KDM4C: variants seen among roughly 807,000 people sequenced by gnomAD.
KDM4C encodes the protein lysine-specific demethylase 4C.
A neutral mutation model predicts 129.3 loss-of-function variants in KDM4C; 81 were observed. The observed-to-expected ratio is 0.63, with a 90% CI of 0.52 to 0.75. The LOEUF (loss-of-function observed/expected upper bound fraction) is 0.75, where lower values mean the gene tolerates loss of function less well. Among genes scored for constraint, KDM4C ranks in the 30% least tolerant of loss-of-function variants. The probability of loss-of-function intolerance (pLI) is 0.00; values close to 1 mark genes in which losing one functional copy is unlikely to be tolerated. For synonymous variants in KDM4C, 573 were observed against 456.1 expected (o/e 1.26, Z -3.26); for missense variants, 1,457 against 1,304.0 (o/e 1.12, Z -1.81).
rs1442162828 is a variant in KDM4C at position 6,746,268 on chromosome 9, T to G, written c.49+25271T>G. On this transcript the variant is annotated intron_variant, in intron 1 of 17. Transcript: ENST00000536108. ...CCATTATATATATATATATGTTTTT[T>G]TTTTTTTTTTTTTTTTTGGAGACCG... Among the ~76,000 whole-genome samples, 4 of 111,882 alleles carry G rather than the reference T, an allele frequency of 3.6e-5. No individual in the cohort carries two copies. In the South Asian group the frequency reaches 1.2e-3, roughly 34 times the overall value. 73.4% of individuals were successfully genotyped at this position (111,882 alleles called of 152,430 possible). A position where few individuals can be genotyped will look rare whatever the true frequency, so the allele number is the denominator to read the frequency against.
intron 17 of KDM4C, among the ~76,000 whole-genome samples, chr9:7,066,428 T>G (rs187709376): frequency 6.6e-6 from 1 of 152,344 alleles, no homozygotes; most frequent in Non-Finnish European, 1.5e-5. Flanking sequence ...AGGTATTTCT[T>G]TACAGAGATA....
chr9:6,874,462 G>A (rs1252061895), intron 5 of KDM4C, among the ~76,000 whole-genome samples: 1 of 152,092 alleles, frequency 6.6e-6, no homozygotes, highest in Non-Finnish European at 1.5e-5. Flanking sequence ...GACTTTTACT[G>A]ATTTTCAAAA....
intron 17 of KDM4C, among the ~76,000 whole-genome samples, chr9:7,066,694 G>GTAGTACT (rs1303074081): frequency 6.6e-6 from 1 of 152,172 alleles, no homozygotes; most frequent in Non-Finnish European, 1.5e-5. Context: ...ACTATGCATT[G>GTAGTACT]TAGTACTGCT....
intron 19 of KDM4C, among the ~76,000 whole-genome samples, chr9:7,161,532 T>C (rs1034553264): frequency 1.1e-4 from 17 of 152,110 alleles, no homozygotes; most frequent in Non-Finnish European, 2.1e-4. Context: ...TATTTGTAAA[T>C]AAAATCAAAG....
At chr9:6,767,855 A>G (rs1320251997) in intron 1 of KDM4C, among the ~76,000 whole-genome samples, 7 of 152,152 alleles carry the variant, frequency 4.6e-5, no homozygotes, top group Admixed American at 4.6e-4. Flanking sequence ...GGCAGCTTTC[A>G]TTAGCAGGAA....
chr9:7,056,480 G>C (rs1403757266), intron 17 of KDM4C, among the ~76,000 whole-genome samples: 1 of 152,144 alleles, frequency 6.6e-6, no homozygotes, highest in African/African-American at 2.4e-5. Context: ...AATCTTTTGA[G>C]TAAAATGGAA....
At chr9:6,887,105 T>C (rs778740655) in intron 6 of KDM4C, among the ~76,000 whole-genome samples, 29 of 152,350 alleles carry the variant, frequency 1.9e-4, no homozygotes, top group Middle Eastern at 3.4e-3. Context: ...TCTCCCTCCA[T>C]GATTCTCTGT....
chr9:7,070,728 C>CA (rs1264065390), intron 17 of KDM4C, among the ~76,000 whole-genome samples: 2 of 152,052 alleles, frequency 1.3e-5, no homozygotes, highest in South Asian at 4.1e-4. Flanking sequence ...AGCATACTTA[C>CA]AAAAAAACCT....
chr9:7,016,154 GTC>G (rs1177804463), intron 15 of KDM4C, among the ~76,000 whole-genome samples: 1 of 150,470 alleles, frequency 6.6e-6, no homozygotes, highest in African/African-American at 2.4e-5. Context: ...TTGAGACGGA[GTC>G]TCTCTCTGTC....
chr9:7,141,622 G>C (rs1841748096), intron 19 of KDM4C, among the ~76,000 whole-genome samples: 1 of 152,162 alleles, frequency 6.6e-6, no homozygotes, highest in African/African-American at 2.4e-5. Context: ...ACCTGTCATT[G>C]AGATAGGGAA....
chr9:7,165,007 T>C (rs770544436), intron 19 of KDM4C, among the ~76,000 whole-genome samples: 1 of 152,194 alleles, frequency 6.6e-6, no homozygotes, highest in Non-Finnish European at 1.5e-5. Flanking sequence ...AATGCTGCTG[T>C]TTTTTTCTGC....
chr9:7,143,491 G>A (rs540890733), intron 19 of KDM4C, among the ~76,000 whole-genome samples: 1 of 152,256 alleles, frequency 6.6e-6, no homozygotes, highest in East Asian at 1.9e-4. Flanking sequence ...TCTGAACCGG[G>A]CATTCCACAG....
At chr9:7,026,808 T>C (rs1392095776) in intron 15 of KDM4C, among the ~76,000 whole-genome samples, 2 of 152,014 alleles carry the variant, frequency 1.3e-5, no homozygotes, top group Non-Finnish European at 2.9e-5. Context: ...TCTCATTGTG[T>C]ATTTTCAAAT....
Position 7,076,311 on chromosome 9 carries a change from A to G in KDM4C, c.2424+27111A>G, listed in dbSNP as rs1485163088. The stretch of plus-strand genomic sequence containing the variant: ...GGTAAACAGTTTATTCAAGGAATAC[A>G]TATGGGAAGTGTCTGAGCTGGGATT... On this transcript the variant is annotated intron_variant, in intron 17 of 21. Coordinates refer to ENST00000381309, the MANE Select transcript of KDM4C (RefSeq NM_015061.6). The G allele has an allele frequency of 8.8e-6, 6 of 680,794 alleles. No individual in the cohort carries two copies. The East Asian group carries it at 1.4e-4, about 16-fold the overall frequency. 42.2% of individuals were successfully genotyped at this position (680,794 alleles called of 1,614,324 possible). A position where few individuals can be genotyped will look rare whatever the true frequency, so the allele number is the denominator to read the frequency against.
chr9:7,072,593 G>A (rs1364295331), intron 17 of KDM4C, among the ~76,000 whole-genome samples: 1 of 152,138 alleles, frequency 6.6e-6, no homozygotes, highest in Non-Finnish European at 1.5e-5. Context: ...ACAGAAAATG[G>A]ATTAGTGCTG....
chr9:6,775,198 G>A lies in KDM4C; in HGVS notation c.-18+16995G>A, dbSNP rs191098352. 1.2e-3 allele frequency among the ~76,000 whole-genome samples: 183 copies of A among 152,072 alleles called. 1 individual carries two copies. The highest frequency in any genetic ancestry group is 7.7e-3 in the Admixed American group (117 of 15,262). Reference sequence around the variant, plus strand: ...TACCCAGCGAATTTTTGTATTTTTAGTAGAGATGGGGTTTCACCATGTTGG... The same window carrying A: ...TACCCAGCGAATTTTTGTATTTTTAATAGAGATGGGGTTTCACCATGTTGG... On this transcript the variant is annotated intron_variant, in intron 1 of 21. Coordinates refer to ENST00000381309, the MANE Select transcript of KDM4C (RefSeq NM_015061.6).
chr9:7,102,309 C>T (rs1404573458), intron 17 of KDM4C, among the ~76,000 whole-genome samples: 30 of 89,990 alleles, frequency 3.3e-4, no homozygotes, highest in African/African-American at 6.1e-4. Context: ...ATGGTTTTCC[C>T]TTTTTTTTTT....
At chr9:7,026,711 C>T (rs1825874539) in intron 15 of KDM4C, among the ~76,000 whole-genome samples, 1 of 152,074 alleles carries the variant, frequency 6.6e-6, no homozygotes, top group Non-Finnish European at 1.5e-5. Flanking sequence ...TGCGTTAAGG[C>T]TAGTGACTCT....
intron 1 of KDM4C, among the ~76,000 whole-genome samples, chr9:6,778,180 C>T (rs1313334553): frequency 6.6e-6 from 1 of 151,308 alleles, no homozygotes; most frequent in Non-Finnish European, 1.5e-5. Flanking sequence ...ACCTCTGCCT[C>T]CTGGGTTCAA....
Sources: gnomAD v4.1 joint callset for allele counts (sites outside exome capture counted in the v4.1 genomes callset) on GRCh38, gnomAD v4.1.1 for gene constraint, MANE v1.5 for transcripts, NCBI Gene and HGNC (gene_info 2026-07-23, HGNC 2026-07-21) for gene names.